ADAMTSL3: variants seen among roughly 807,000 people sequenced by gnomAD.
The protein encoded by ADAMTSL3 is ADAMTS like 3, also known as ADAMTS-like protein 3.
A neutral mutation model predicts 201.7 loss-of-function variants in ADAMTSL3; 128 were observed. The ratio of observed to expected loss-of-function variants is 0.63; its 90% CI spans 0.55 to 0.73. The LOEUF (loss-of-function observed/expected upper bound fraction) is 0.73. Ranked by LOEUF, ADAMTSL3 falls within the 30% of genes least tolerant of loss-of-function variation. The pLI is 0.00. For missense variants in ADAMTSL3, 1,990 were observed against 2,119.6 expected, an observed-to-expected ratio of 0.94 and a Z score of 1.20; for synonymous variants, 738 against 748.4, an observed-to-expected ratio of 0.99 and a Z score of 0.23.
chr15:83,750,688 A>G (rs759334723), intron 3 of ADAMTSL3, among the ~76,000 whole-genome samples: 16 of 152,050 alleles, frequency 1.1e-4, no homozygotes, highest in Non-Finnish European at 2.1e-4. Flanking sequence ...AATAGCTGGG[A>G]CTACAGGCAC....
intron 2 of ADAMTSL3, among the ~76,000 whole-genome samples, chr15:83,683,804 A>G (rs933906383): frequency 4.6e-5 from 7 of 152,048 alleles, no homozygotes. Context: ...CTTGTCTCAT[A>G]CTTTCAACAC....
intron 7 of ADAMTSL3, among the ~76,000 whole-genome samples, chr15:83,857,422 A>G (rs374864676): frequency 3.3e-5 from 5 of 152,238 alleles, no homozygotes; most frequent in South Asian, 2.1e-4. Flanking sequence ...AAAGTCTTCA[A>G]TGTGTATATT....
At chr15:83,968,845 C>T (rs2067138066) in intron 19 of ADAMTSL3, among the ~76,000 whole-genome samples, 1 of 152,204 alleles carries the variant, frequency 6.6e-6, no homozygotes, top group Non-Finnish European at 1.5e-5. Context: ...GAGTTCATGT[C>T]CTTTGTCGGG....
Position 83,704,506 on chromosome 15 carries a change from C to G in ADAMTSL3, c.187C>G (p.Gln63Glu). ...GTTCCTCACTTATCGCTATGATGAC[C>G]AGGTAAGAACATTGGACAAGGATCT... ...EQFLTYRYDD[Q>E]TSRNTRSDED... The change falls in exon 3 of 30, where the codon CAG (glutamine) becomes GAG (glutamate). Residue 63 changes from glutamine to glutamate, a missense_variant and splice_region_variant. Gln to Glu is a conservative substitution (Grantham distance 29). Transcript: ENST00000286744. The G allele has an allele frequency of 1.9e-6, 3 of 1,614,108 alleles. No individual in the cohort carries two copies. Among genetic ancestry groups the G allele is most frequent in the Non-Finnish European group, 2.5e-6 (3 of 1,179,996 alleles).
chr15:83,741,343 C>G (rs2062451783), intron 3 of ADAMTSL3, among the ~76,000 whole-genome samples: 1 of 151,886 alleles, frequency 6.6e-6, no homozygotes, highest in Non-Finnish European at 1.5e-5. Context: ...ATGGTTTAAA[C>G]TTCAGTCATT....
At chr15:84,022,158 A>G (rs1466361292) in intron 26 of ADAMTSL3, among the ~76,000 whole-genome samples, 1 of 152,126 alleles carries the variant, frequency 6.6e-6, no homozygotes, top group African/African-American at 2.4e-5. Flanking sequence ...ACTACATCCT[A>G]GATGCCCCTC....
intron 9 of ADAMTSL3, among the ~76,000 whole-genome samples, chr15:83,879,390 A>G (rs1259671326): frequency 1.3e-5 from 2 of 152,134 alleles, no homozygotes; most frequent in Admixed American, 1.3e-4. Context: ...ATTTAAGTCT[A>G]TAAATTTCTC....
chr15:83,705,561 A>C (rs1174599214), intron 3 of ADAMTSL3, among the ~76,000 whole-genome samples: 1 of 152,174 alleles, frequency 6.6e-6, no homozygotes, highest in African/African-American at 2.4e-5. Context: ...GGCTGGCTGG[A>C]GCTAGGCAGA....
At chr15:83,788,496 A>T (rs1181976757) in intron 4 of ADAMTSL3, among the ~76,000 whole-genome samples, 1 of 152,188 alleles carries the variant, frequency 6.6e-6, no homozygotes, top group Non-Finnish European at 1.5e-5. Flanking sequence ...CCATATATAT[A>T]GTTATGTAGA....
chr15:83,823,987 C>CCTT (rs1401995484), intron 6 of ADAMTSL3, among the ~76,000 whole-genome samples: 67 of 144,150 alleles, frequency 4.6e-4, no homozygotes, highest in Middle Eastern at 3.5e-3. Flanking sequence ...TCCTCCTCCT[C>CCTT]CTCCTTCTCC....
At chr15:83,997,850 G>C (rs1424517070) in intron 23 of ADAMTSL3, among the ~76,000 whole-genome samples, 1 of 152,094 alleles carries the variant, frequency 6.6e-6, no homozygotes, top group Non-Finnish European at 1.5e-5. Flanking sequence ...ATGATGGGAT[G>C]ACCAGGAAGA....
chr15:83,714,478 C>T (rs2061972936), intron 3 of ADAMTSL3, among the ~76,000 whole-genome samples: 1 of 152,168 alleles, frequency 6.6e-6, no homozygotes, highest in Non-Finnish European at 1.5e-5. Flanking sequence ...TTGCTTGGAA[C>T]ATCCCCTCTG....
intron 16 of ADAMTSL3, among the ~76,000 whole-genome samples, chr15:83,922,528 C>A (rs905725787): frequency 5.9e-5 from 9 of 152,186 alleles, no homozygotes; most frequent in African/African-American, 2.2e-4. Flanking sequence ...ACTTAAACCT[C>A]TACAAGGTAA....
intron 2 of ADAMTSL3, among the ~76,000 whole-genome samples, chr15:83,702,873 C>G (rs1328222060): frequency 6.6e-6 from 1 of 152,160 alleles, no homozygotes; most frequent in Non-Finnish European, 1.5e-5. Flanking sequence ...CTACTGTCCT[C>G]CAGACCCCAG....
intron 2 of ADAMTSL3, among the ~76,000 whole-genome samples, chr15:83,680,777 C>T (rs928536156): frequency 6.6e-6 from 1 of 151,828 alleles, no homozygotes; most frequent in Admixed American, 6.6e-5. Context: ...TATTTCCTTT[C>T]ATTATTTTTT....
intron 9 of ADAMTSL3, among the ~76,000 whole-genome samples, chr15:83,873,268 C>T (rs1328350471): frequency 6.9e-6 from 1 of 145,148 alleles, no homozygotes; most frequent in African/African-American, 2.6e-5. Context: ...CGCACCACTG[C>T]ATTCCAGCCT....
chr15:83,962,899 TGGGAAGTGCAAGAGGTCA>T (rs1213178963), intron 19 of ADAMTSL3, among the ~76,000 whole-genome samples: 1 of 152,170 alleles, frequency 6.6e-6, no homozygotes, highest in Non-Finnish European at 1.5e-5. Context: ...TCTCCTTACC[TGGGAAGTGCAAGAGGTCA>T]GGGAACTCCC....
chr15:83,661,712 A>T (rs1257983998), intron 2 of ADAMTSL3, among the ~76,000 whole-genome samples: 1 of 152,032 alleles, frequency 6.6e-6, no homozygotes, highest in Non-Finnish European at 1.5e-5. Flanking sequence ...CAATGAACTC[A>T]AACAAATTTA....
intron 6 of ADAMTSL3, among the ~76,000 whole-genome samples, chr15:83,822,851 A>T (rs2063913408): frequency 1.3e-5 from 2 of 150,578 alleles, no homozygotes; most frequent in East Asian, 2.0e-4. Context: ...GGCGGCTGGG[A>T]GGTGGAGGTT....
Sources: gnomAD v4.1 joint callset for allele counts (sites outside exome capture counted in the v4.1 genomes callset) on GRCh38, gnomAD v4.1.1 for gene constraint, MANE v1.5 for transcripts, NCBI Gene and HGNC (gene_info 2026-07-23, HGNC 2026-07-21) for gene names.